Variants in DGKI observed in about 807,000 individuals in gnomAD.
DGKI encodes DAG kinase iota.
In DGKI, 55 loss-of-function variants were observed where a neutral mutation model predicts 147.5. The observed-to-expected ratio is 0.37, with a 90% CI of 0.30 to 0.47. The LOEUF (loss-of-function observed/expected upper bound fraction) is 0.47. Among genes scored for constraint, DGKI ranks in the 20% least tolerant of loss-of-function variants. DGKI has a pLI of 1.00. For synonymous variants in DGKI, 469 were observed against 477.1 expected (o/e 0.98, Z 0.22); for missense variants, 1,007 against 1,323.8 (o/e 0.76, Z 3.71).
At position 137,555,824 on chromosome 7, in the gene DGKI, G is replaced by A. The variant is rs185525895; in HGVS notation, c.1948-3256C>T. 3.2e-4 allele frequency among the ~76,000 whole-genome samples: 48 copies of A among 152,178 alleles called. 1 individual carries two copies. The East Asian group carries it at 8.9e-3, about 28-fold the overall frequency. ...TTTTATAAGTCCGTCCTACCTAAATGTTAAGGAAAGACAGTGTCTATTTAG... is the reference window on the plus strand; with the variant it reads ...TTTTATAAGTCCGTCCTACCTAAATATTAAGGAAAGACAGTGTCTATTTAG... On this transcript the variant is annotated intron_variant, in intron 19 of 32. Transcript: ENST00000614521.
chr7:137,679,609 T>C (rs1434842390), intron 2 of DGKI, among the ~76,000 whole-genome samples: 1 of 152,126 alleles, frequency 6.6e-6, no homozygotes, highest in Non-Finnish European at 1.5e-5. Flanking sequence ...AAAATTACTC[T>C]TGTTTTTATT....
intron 21 of DGKI, chr7:137,493,909 C>A: frequency 1.6e-6 from 1 of 608,324 alleles, no homozygotes; most frequent in South Asian, 2.0e-5. Flanking sequence ...AAGTTAACAC[C>A]CAATCCAAAA....
chr7:137,789,789 G>T (rs1796793565), intron 1 of DGKI, among the ~76,000 whole-genome samples: 1 of 152,108 alleles, frequency 6.6e-6, no homozygotes, highest in African/African-American at 2.4e-5. Context: ...CTTATTCTAA[G>T]GAGTTATTTC....
At chr7:137,615,371 C>T (rs6948128) in intron 8 of DGKI, among the ~76,000 whole-genome samples, 9 of 152,148 alleles carry the variant, frequency 5.9e-5, no homozygotes, top group South Asian at 4.1e-4. Flanking sequence ...AAATGGATCA[C>T]GGTGGATTCA....
intron 1 of DGKI, among the ~76,000 whole-genome samples, chr7:137,712,897 T>C (rs770212973): frequency 6.6e-6 from 1 of 152,178 alleles, no homozygotes; most frequent in Non-Finnish European, 1.5e-5. Context: ...ATAATCAAAT[T>C]CAAGCTTCCT....
At chr7:137,429,484 T>G in intron 28 of DGKI, among the ~76,000 whole-genome samples, 1 of 150,118 alleles carries the variant, frequency 6.7e-6, no homozygotes, top group Non-Finnish European at 1.5e-5. Flanking sequence ...ATTCAGGACA[T>G]AGGCATGGGC....
intron 27 of DGKI, among the ~76,000 whole-genome samples, chr7:137,455,407 G>T (rs1266582015): frequency 6.6e-6 from 1 of 152,076 alleles, no homozygotes; most frequent in Non-Finnish European, 1.5e-5. Context: ...CAGACTGTGA[G>T]AATAATTCAG....
At chr7:137,732,510 A>T (rs1487219904) in intron 1 of DGKI, among the ~76,000 whole-genome samples, 1 of 152,002 alleles carries the variant, frequency 6.6e-6, no homozygotes, top group African/African-American at 2.4e-5. Flanking sequence ...GCCCTAAACC[A>T]TCGACCCCTT....
intron 26 of DGKI, among the ~76,000 whole-genome samples, chr7:137,465,475 C>T (rs992232916): frequency 2.0e-5 from 3 of 152,126 alleles, no homozygotes; most frequent in Admixed American, 6.5e-5. Flanking sequence ...AAGAGAGACA[C>T]AGGACAGAGC....
intron 12 of DGKI, among the ~76,000 whole-genome samples, chr7:137,593,214 C>A (rs1305482995): frequency 6.6e-6 from 1 of 152,020 alleles, no homozygotes; most frequent in Non-Finnish European, 1.5e-5. Context: ...CCAAGTTCAC[C>A]AAAGTCAGGA....
At chr7:137,646,613 C>T (rs116571822) in intron 5 of DGKI, among the ~76,000 whole-genome samples, 5 of 152,248 alleles carry the variant, frequency 3.3e-5, no homozygotes, top group South Asian at 2.1e-4. Flanking sequence ...GACACCAATA[C>T]CCCTAAAGTA....
intron 20 of DGKI, among the ~76,000 whole-genome samples, chr7:137,528,852 G>T (rs1817241116): frequency 6.6e-6 from 1 of 152,098 alleles, no homozygotes; most frequent in South Asian, 2.1e-4. Flanking sequence ...AATTCTCCCT[G>T]CAGTCTAAAT....
At chr7:137,773,240 T>C (rs1466181520) in intron 1 of DGKI, among the ~76,000 whole-genome samples, 1 of 152,024 alleles carries the variant, frequency 6.6e-6, no homozygotes, top group East Asian at 1.9e-4. Flanking sequence ...CAAAAACAAA[T>C]GCATAAAATG....
chr7:137,590,503 A>C (rs1819570404), intron 12 of DGKI, among the ~76,000 whole-genome samples: 2 of 152,236 alleles, frequency 1.3e-5, no homozygotes, highest in African/African-American at 2.4e-5. Context: ...GAAAAGTAAA[A>C]ATTAAATAAA....
chr7:137,531,244 G>A (rs1394064368), intron 20 of DGKI, among the ~76,000 whole-genome samples: 1 of 152,150 alleles, frequency 6.6e-6, no homozygotes, highest in East Asian at 1.9e-4. Context: ...ATTAAGAACT[G>A]TTGGAATGGG....
intron 28 of DGKI, among the ~76,000 whole-genome samples, chr7:137,440,720 G>C (rs1225446143): frequency 6.6e-6 from 1 of 152,202 alleles, no homozygotes; most frequent in Non-Finnish European, 1.5e-5. Context: ...AAGGCAGTTG[G>C]AGCATGCGAG....
At chr7:137,765,920 C>T (rs1023919292) in intron 1 of DGKI, among the ~76,000 whole-genome samples, 2 of 152,164 alleles carry the variant, frequency 1.3e-5, no homozygotes, top group Non-Finnish European at 2.9e-5. Flanking sequence ...ACATCTATAC[C>T]TTACACTGGT....
chr7:137,622,651 T>G (rs574652502), intron 7 of DGKI, among the ~76,000 whole-genome samples: 2 of 152,288 alleles, frequency 1.3e-5, no homozygotes, highest in South Asian at 4.1e-4. Context: ...CATGGCTGCA[T>G]TCCAGTGAAA....
At chr7:137,616,611 A>G (rs834102) in intron 8 of DGKI, among the ~76,000 whole-genome samples, 5,215 of 152,250 alleles carry the variant, frequency 0.034, 320 homozygotes, top group African/African-American at 0.12. Context: ...AAATGTGAAG[A>G]CAGACACCAT....
Sources: allele counts gnomAD v4.1 joint callset (sites outside exome capture counted in the v4.1 genomes callset), GRCh38; gene constraint gnomAD v4.1.1; transcripts MANE v1.5; gene names NCBI Gene and HGNC (gene_info 2026-07-23, HGNC 2026-07-21).